STXBP4: variants seen among roughly 807,000 people sequenced by gnomAD.
STXBP4 encodes the protein syntaxin binding protein 4, also known as syntaxin-binding protein 4.
In STXBP4, 55 loss-of-function variants were observed where a neutral mutation model predicts 76.1. The ratio of observed to expected loss-of-function variants is 0.72; its 90% confidence interval spans 0.58 to 0.91. The LOEUF is 0.91. Among genes scored for constraint, STXBP4 ranks in the 40% least tolerant of loss-of-function variants. The pLI is 0.00. For missense variants in STXBP4, 618 were observed against 636.9 expected (o/e 0.97, Z 0.32); for synonymous variants, 201 against 220.2 (o/e 0.91, Z 0.77).
intron 16 of STXBP4, among the ~76,000 whole-genome samples, chr17:55,098,659 G>A (rs189950435): frequency 6.6e-6 from 1 of 152,134 alleles, no homozygotes; most frequent in East Asian, 1.9e-4. Flanking sequence ...TGGATTGAGA[G>A]GTCCAGTTCA....
At chr17:55,198,027 G>A in the STXBP4 span, among the ~76,000 whole-genome samples, 13 of 152,206 alleles carry the variant, frequency 8.5e-5, no homozygotes, top group African/African-American at 2.9e-4. Flanking sequence ...GGAGCAGCCC[G>A]AGTAGCGGCT....
chr17:55,018,253 C>T (rs1241891714), intron 8 of STXBP4, among the ~76,000 whole-genome samples: 1 of 152,162 alleles, frequency 6.6e-6, no homozygotes, highest in Non-Finnish European at 1.5e-5. Flanking sequence ...CAATGGCAAG[C>T]CTTTAGCCCG....
At chr17:55,013,317 G>C (rs56207252) in intron 8 of STXBP4, among the ~76,000 whole-genome samples, 1 of 152,176 alleles carries the variant, frequency 6.6e-6, no homozygotes, top group Non-Finnish European at 1.5e-5. Context: ...TTGGGTTAAG[G>C]CCTTCTTTAG....
rs117386367 is a variant in STXBP4 at position 55,021,151 on chromosome 17, G to A, written c.667-10017G>A. Among the ~76,000 whole-genome samples the A allele has an allele frequency of 3.5e-3, 534 of 152,182 alleles. 1 individual carries two copies. The highest frequency in any genetic ancestry group is 7.1e-3 in the Admixed American group (108 of 15,286). On this transcript the variant is annotated intron_variant, in intron 8 of 17. Transcript: ENST00000376352. Reference sequence around the variant, plus strand: ...TCACTATGAGGTTCCAGCATTGTTTGGGTGATTTAATCCTCCTCCCTGCAT... The same window carrying A: ...TCACTATGAGGTTCCAGCATTGTTTAGGTGATTTAATCCTCCTCCCTGCAT...
At chr17:55,093,764 A>G (rs1203443443) in intron 16 of STXBP4, among the ~76,000 whole-genome samples, 1 of 152,220 alleles carries the variant, frequency 6.6e-6, no homozygotes, top group Non-Finnish European at 1.5e-5. Flanking sequence ...ATATCGCTTA[A>G]GAAAAGGTAA....
intron 16 of STXBP4, among the ~76,000 whole-genome samples, chr17:55,116,083 A>G (rs2079777072): frequency 6.6e-6 from 1 of 151,842 alleles, no homozygotes; most frequent in Non-Finnish European, 1.5e-5. Flanking sequence ...TAACTGAAAT[A>G]TCTGAGCTAC....
the STXBP4 span, among the ~76,000 whole-genome samples, chr17:55,193,751 T>C: frequency 2.2e-5 from 3 of 137,866 alleles, no homozygotes; most frequent in Non-Finnish European, 3.1e-5. Flanking sequence ...TTTGGAACCC[T>C]CCATCATTTA....
intron 15 of STXBP4, among the ~76,000 whole-genome samples, chr17:55,080,307 TG>T (rs1047198142): frequency 1.6e-4 from 24 of 152,166 alleles, no homozygotes; most frequent in Admixed American, 1.4e-3. Flanking sequence ...ACATGGATAT[TG>T]GCCCTGGTCA....
At position 55,143,291 on chromosome 17, in the gene STXBP4, G is replaced by C. The variant is rs373617433; in HGVS notation, c.1547+1924G>C. Among the ~76,000 whole-genome samples, 219 of 152,274 alleles carry C rather than the reference G, an allele frequency of 1.4e-3. 7 individuals carry two copies. In the South Asian group the frequency reaches 0.044, roughly 31 times the overall value. On this transcript the variant is annotated intron_variant, in intron 17 of 17. Transcript: ENST00000376352. The stretch of plus-strand genomic sequence containing the variant: ...TCCCCAAAGAAATGCATGATTAAAA[G>C]AAAGAAAATTAGCATTCATTATTAA...
chr17:55,035,891 C>G, intron 10 of STXBP4, among the ~76,000 whole-genome samples: 1 of 151,846 alleles, frequency 6.6e-6, no homozygotes, highest in South Asian at 2.1e-4. Context: ...TTTTAATTGA[C>G]AAATAATAAT....
chr17:55,120,813 G>A (rs2079835419), intron 16 of STXBP4, among the ~76,000 whole-genome samples: 1 of 107,408 alleles, frequency 9.3e-6, no homozygotes. Context: ...AGAAGAAAGA[G>A]TGTTTTTTTT....
chr17:55,113,238 C>T (rs2079742825), intron 16 of STXBP4, among the ~76,000 whole-genome samples: 1 of 151,424 alleles, frequency 6.6e-6, no homozygotes, highest in African/African-American at 2.4e-5. Flanking sequence ...CACACACACA[C>T]ACACACACAC....
chr17:55,096,280 T>C (rs2079485261), intron 16 of STXBP4, among the ~76,000 whole-genome samples: 1 of 152,204 alleles, frequency 6.6e-6, no homozygotes, highest in African/African-American at 2.4e-5. Context: ...CTCAGCCTCC[T>C]AAGTAGCTGG....
the STXBP4 span, among the ~76,000 whole-genome samples, chr17:55,200,285 A>C: frequency 2.0e-5 from 3 of 152,214 alleles, no homozygotes; most frequent in African/African-American, 7.2e-5. Flanking sequence ...ATTAATTCAC[A>C]ATGTGGCCAT....
At chr17:55,014,437 A>C (rs1422571103) in intron 8 of STXBP4, among the ~76,000 whole-genome samples, 1 of 152,104 alleles carries the variant, frequency 6.6e-6, no homozygotes, top group Non-Finnish European at 1.5e-5. Context: ...CCCTAGTTAC[A>C]ACTTAGTGGC....
intron 6 of STXBP4, 127 bp downstream of exon 6, chr17:54,999,969 GA>G (rs1418739066): frequency 1.2e-6 from 1 of 814,658 alleles, no homozygotes; most frequent in African/African-American, 1.7e-5. Context: ...TTCTTTGAAA[GA>G]TTTTTTTCTA....
intron 17 of STXBP4, among the ~76,000 whole-genome samples, chr17:55,154,120 T>A (rs1209698889): frequency 2.0e-5 from 3 of 152,160 alleles, no homozygotes; most frequent in Admixed American, 2.0e-4. Flanking sequence ...GTAGTGATGT[T>A]GAGACCCAGG....
rs1330339894 is a variant in STXBP4 at position 55,162,697 on chromosome 17, AAG to A, written c.*2790_*2791del. 5 of 152,216 alleles carry A rather than the reference AAG, an allele frequency of 3.3e-5. No homozygotes were observed. The highest frequency in any genetic ancestry group is 7.3e-5 in the Non-Finnish European group (5 of 68,032). 9.4% of individuals were successfully genotyped at this position (152,216 alleles called of 1,614,324 possible). On this transcript the variant is annotated 3_prime_UTR_variant, in exon 18 of 18. Coordinates refer to ENST00000376352, the MANE Select transcript of STXBP4 (RefSeq NM_178509.6). ...CAAGTACTTTGGAAGTGAATAAAGT[AAG>A]AGATAGCCTGTCTCACTTTCCAGAG...
At chr17:55,038,401 A>C (rs940060228) in intron 10 of STXBP4, among the ~76,000 whole-genome samples, 1 of 152,106 alleles carries the variant, frequency 6.6e-6, no homozygotes, top group Non-Finnish European at 1.5e-5. Context: ...GAATTATAGA[A>C]TATGTACTCT....
Sources: gnomAD v4.1 joint callset for allele counts (sites outside exome capture counted in the v4.1 genomes callset) on GRCh38, gnomAD v4.1.1 for gene constraint, MANE v1.5 for transcripts, NCBI Gene and HGNC (gene_info 2026-07-23, HGNC 2026-07-21) for gene names.